Variants in PRIM2 observed in about 807,000 individuals in gnomAD.
PRIM2 encodes DNA primase subunit 2.
A neutral mutation model predicts 67.3 loss-of-function variants in PRIM2; 39 were observed. The observed-to-expected ratio is 0.58, with a 90% CI of 0.45 to 0.76. PRIM2 has a LOEUF of 0.76. PRIM2 is among the 30% of genes least tolerant of loss of function. The pLI is 0.00. For missense variants in PRIM2, 398 were observed against 598.7 expected (o/e 0.66, Z 3.50); for synonymous variants, 143 against 198.7 (o/e 0.72, Z 2.36).
At chr6:57,228,801 AT>A in the PRIM2 span, among the ~76,000 whole-genome samples, 2 of 152,204 alleles carry the variant, frequency 1.3e-5, no homozygotes, top group Non-Finnish European at 2.9e-5. Context: ...CACTTGTAAA[AT>A]GGAGATAATA....
Position 57,343,672 on chromosome 6 carries a change from C to T in PRIM2, c.459+17627C>T, listed in dbSNP as rs556265704. ...AGAAGAGTGAAGTGGGATGGTAAAA[C>T]ACACACTCTCAAACACTCTTAGTGG... On this transcript the variant is annotated intron_variant, in intron 5 of 13. Transcript: ENST00000615550. 1.3e-3 allele frequency among the ~76,000 whole-genome samples: 195 copies of T among 152,180 alleles called. 4 individuals carry two copies. The East Asian group carries it at 0.017, about 13-fold the overall frequency.
chr6:57,609,245 A>G (rs1453280891), intron 12 of PRIM2, among the ~76,000 whole-genome samples: 3 of 152,358 alleles, frequency 2.0e-5, no homozygotes, highest in Admixed American at 2.0e-4. Flanking sequence ...TATGTACTTG[A>G]ACCAAAGAAT....
chr6:57,521,529 A>G (rs1774623971), intron 8 of PRIM2, among the ~76,000 whole-genome samples: 1 of 152,044 alleles, frequency 6.6e-6, no homozygotes, highest in Non-Finnish European at 1.5e-5. Flanking sequence ...AAAAGGCTGT[A>G]TTGGAACTTG....
the PRIM2 span, among the ~76,000 whole-genome samples, chr6:57,224,408 G>T: frequency 6.6e-6 from 1 of 152,180 alleles, no homozygotes; most frequent in African/African-American, 2.4e-5. Context: ...GAGACAGTTG[G>T]GGGGTGGGAA....
chr6:57,600,955 G>A lies in PRIM2; in HGVS notation c.1021-138G>A, dbSNP rs1261519313. On this transcript the variant is annotated intron_variant, in intron 10 of 13. Transcript: ENST00000615550. Reference sequence around the variant, plus strand: ...AGGACCTAAATAATATACATGGCATGAATGTACATCTGCCCGTGAATGCTG... The same window carrying A: ...AGGACCTAAATAATATACATGGCATAAATGTACATCTGCCCGTGAATGCTG... 4.5e-5 allele frequency: 30 copies of A among 665,750 alleles called. No individual in the cohort carries two copies. In the East Asian group the frequency reaches 9.2e-4, roughly 20 times the overall value. The allele number at this position is 665,750 out of a possible 1,614,324, so 41.2% of individuals were successfully genotyped here. A position where few individuals can be genotyped will look rare whatever the true frequency, so the allele number is the denominator to read the frequency against.
intron 5 of PRIM2, among the ~76,000 whole-genome samples, chr6:57,372,497 A>G (rs564169653): frequency 6.6e-5 from 10 of 152,286 alleles, no homozygotes; most frequent in Admixed American, 2.0e-4. Flanking sequence ...CTTTTGAATA[A>G]TCTACTAGAT....
chr6:57,439,941 C>CT (rs1269934724), intron 7 of PRIM2, among the ~76,000 whole-genome samples: 2 of 152,084 alleles, frequency 1.3e-5, no homozygotes, highest in Non-Finnish European at 2.9e-5. Context: ...GGAGTGGTTA[C>CT]TGCTCATTTA....
At chr6:57,414,886 A>G (rs1393829512) in intron 7 of PRIM2, among the ~76,000 whole-genome samples, 1 of 152,138 alleles carries the variant, frequency 6.6e-6, no homozygotes, top group Non-Finnish European at 1.5e-5. Flanking sequence ...CTTGTGTTGC[A>G]TAACTTCTCT....
At chr6:57,457,752 G>C (rs1253584711) in intron 7 of PRIM2, among the ~76,000 whole-genome samples, 18 of 152,132 alleles carry the variant, frequency 1.2e-4, no homozygotes, top group Non-Finnish European at 2.5e-4. Context: ...GGCAATGCCT[G>C]GCCCTGCCTC....
chr6:57,225,866 TG>T, the PRIM2 span, among the ~76,000 whole-genome samples: 2 of 152,226 alleles, frequency 1.3e-5, no homozygotes, highest in African/African-American at 2.4e-5. Flanking sequence ...TCACAGTATT[TG>T]GCTAGACAAT....
At chr6:57,477,493 A>G (rs1387552630) in intron 7 of PRIM2, among the ~76,000 whole-genome samples, 5 of 152,232 alleles carry the variant, frequency 3.3e-5, no homozygotes, top group African/African-American at 7.2e-5. Context: ...CCTTTCTACT[A>G]CTTTTCACAA....
At chr6:57,555,375 C>G (rs1374348281) in intron 10 of PRIM2, among the ~76,000 whole-genome samples, 381 of 151,846 alleles carry the variant, frequency 2.5e-3, no homozygotes, top group African/African-American at 7.2e-3. Context: ...CACCTCCCAG[C>G]TATGAGCGAT....
chr6:57,255,901 A>T, the PRIM2 span, among the ~76,000 whole-genome samples: 1 of 152,210 alleles, frequency 6.6e-6, no homozygotes, highest in African/African-American at 2.4e-5. Context: ...GAATTAATGA[A>T]TTATGTCTCC....
At chr6:57,372,291 G>C (rs1292562531) in intron 5 of PRIM2, among the ~76,000 whole-genome samples, 1 of 152,174 alleles carries the variant, frequency 6.6e-6, no homozygotes, top group African/African-American at 2.4e-5. Flanking sequence ...TTTGTTTGGA[G>C]ACCACATGGC....
At chr6:57,580,853 C>G (rs1330550881) in intron 10 of PRIM2, among the ~76,000 whole-genome samples, 1 of 151,664 alleles carries the variant, frequency 6.6e-6, no homozygotes, top group African/African-American at 2.4e-5. Context: ...TTTTGATGAT[C>G]AAGTTAGATT....
the PRIM2 span, among the ~76,000 whole-genome samples, chr6:57,240,272 T>C: frequency 6.6e-6 from 1 of 152,044 alleles, no homozygotes; most frequent in African/African-American, 2.4e-5. Context: ...CCAGCTAAAT[T>C]TGTATTTTTA....
the PRIM2 span, among the ~76,000 whole-genome samples, chr6:57,234,210 A>G: frequency 6.6e-6 from 1 of 152,216 alleles, no homozygotes; most frequent in Non-Finnish European, 1.5e-5. Flanking sequence ...ATGATGATAC[A>G]GTAAAAAAAA....
intron 5 of PRIM2, among the ~76,000 whole-genome samples, chr6:57,367,469 A>G (rs146504459): frequency 1.8e-4 from 27 of 152,324 alleles, no homozygotes; most frequent in African/African-American, 6.5e-4. Flanking sequence ...TGTCAGAAAT[A>G]CCTCCAAACC....
intron 13 of PRIM2, among the ~76,000 whole-genome samples, chr6:57,640,252 A>AT (rs1430691143): frequency 1.3e-5 from 2 of 152,114 alleles, no homozygotes; most frequent in Non-Finnish European, 2.9e-5. Flanking sequence ...AGTAAGAGCT[A>AT]TTTTTTGACA....
Sources: allele counts gnomAD v4.1 joint callset (sites outside exome capture counted in the v4.1 genomes callset), GRCh38; gene constraint gnomAD v4.1.1; transcripts MANE v1.5; gene names NCBI Gene and HGNC (gene_info 2026-07-23, HGNC 2026-07-21).